The following GET4 variants were observed in gnomAD, a reference collection of about 807,000 sequenced individuals.
The protein encoded by GET4 is guided entry of tail-anchored proteins factor 4.
In GET4, 20 loss-of-function variants were observed where a neutral mutation model predicts 40.0. The ratio of observed to expected loss-of-function variants is 0.50; its 90% CI spans 0.35 to 0.73. The LOEUF (loss-of-function observed/expected upper bound fraction) is 0.73. GET4 is among the 30% of genes least tolerant of loss of function. The probability of loss-of-function intolerance (pLI) is 0.01; values close to 1 mark genes in which losing one functional copy is unlikely to be tolerated. For synonymous variants in GET4, 280 were observed against 194.6 expected, an observed-to-expected ratio of 1.44 and a Z score of -3.65; for missense variants, 557 against 454.0, an observed-to-expected ratio of 1.23 and a Z score of -2.06.
At chr7:878,288 T>A (rs1844009737) in intron 1 of GET4, 1 of 470,980 alleles carries the variant, frequency 2.1e-6, no homozygotes, top group South Asian at 1.5e-5. Flanking sequence ...TTCCAGTATT[T>A]TTGCTGTCAT....
intron 8 of GET4, among the ~76,000 whole-genome samples, chr7:894,462 T>G (rs940787516): frequency 3.7e-4 from 57 of 152,186 alleles, no homozygotes; most frequent in African/African-American, 1.3e-3. Flanking sequence ...GGGTTTATTT[T>G]AGTGGGAGGT....
At chr7:879,486 ATTGT>A (rs1844040589) in intron 1 of GET4, among the ~76,000 whole-genome samples, 1 of 152,214 alleles carries the variant, frequency 6.6e-6, no homozygotes, top group African/African-American at 2.4e-5. Context: ...TAGTGTTCAC[ATTGT>A]TTGTACGGAC....
intron 1 of GET4, chr7:882,504 T>C (rs1265945796): frequency 2.6e-5 from 4 of 151,784 alleles, no homozygotes; most frequent in Admixed American, 6.6e-5. Context: ...CCTTGCCCCA[T>C]GGATGGCGCG....
chr7:896,133 T>C lies in GET4; in HGVS notation c.*711T>C, dbSNP rs1001833284. 2.6e-5 allele frequency: 4 copies of C among 152,254 alleles called. No homozygotes were observed. The highest frequency in any genetic ancestry group is 1.3e-4 in the Admixed American group (2 of 15,286). 9.4% of individuals were successfully genotyped at this position (152,254 alleles called of 1,614,324 possible). A position where few individuals can be genotyped will look rare whatever the true frequency, so the allele number is the denominator to read the frequency against. On this transcript the variant is annotated 3_prime_UTR_variant, in exon 9 of 9. Transcript: ENST00000265857. ...GGGATACCGTGGGACTCTGCCCGTCTCTTTCATAACGCAATATTTATTTGT... is the reference window on the plus strand; with the variant it reads ...GGGATACCGTGGGACTCTGCCCGTCCCTTTCATAACGCAATATTTATTTGT...
At chr7:891,732 G>A (rs1204217727) in intron 5 of GET4, among the ~76,000 whole-genome samples, 1 of 152,272 alleles carries the variant, frequency 6.6e-6, no homozygotes, top group East Asian at 1.9e-4. Context: ...CCTCAGCGTT[G>A]CCCGCTGCGG....
intron 1 of GET4, chr7:878,412 G>A (rs1844013054): frequency 2.1e-6 from 1 of 470,088 alleles, no homozygotes; most frequent in Non-Finnish European, 4.4e-6. Context: ...ACTAGGAATT[G>A]GGTCTGTTTT....
At chr7:884,163 G>A in intron 1 of GET4, 1 of 1,291,686 alleles carries the variant, frequency 7.7e-7, no homozygotes, top group East Asian at 5.6e-5. Context: ...TGTAGTATCG[G>A]CAAAGCAGAA....
At chr7:884,087 C>T (rs953282825) in intron 1 of GET4, 5 of 1,192,782 alleles carry the variant, frequency 4.2e-6, no homozygotes, top group South Asian at 1.6e-5. Context: ...CCAGGGAGTC[C>T]TTTTTTTCTT....
At position 890,918 on chromosome 7, in the gene GET4, T is replaced by C. The variant is rs1442234018; in HGVS notation, c.467-10T>C. 2.5e-6 allele frequency: 4 copies of C among 1,592,034 alleles called. No individual in the cohort carries two copies. The highest frequency in any genetic ancestry group is 2.6e-6 in the Non-Finnish European group (3 of 1,160,352). On this transcript the variant is annotated splice_polypyrimidine_tract_variant and intron_variant, in intron 4 of 8. Transcript: ENST00000265857. ...AAATGTATTTACATTTTTCTGTCTT[T>C]CCTTTGCAGAACAAAACTATTGTGA...
chr7:884,300 C>T (rs893038086), intron 1 of GET4: 11 of 1,303,968 alleles, frequency 8.4e-6, no homozygotes, highest in Non-Finnish European at 1.0e-5. Flanking sequence ...CGGCTCCCGG[C>T]CTCCTCTGAG....
At chr7:885,283 C>T (rs1844164680) in intron 1 of GET4, 1 of 152,276 alleles carries the variant, frequency 6.6e-6, no homozygotes, top group Non-Finnish European at 1.5e-5. Context: ...AGGTGCAGCG[C>T]ATCCAAGCAG....
Position 876,633 on chromosome 7 carries a change from G to T in GET4, c.-13G>T. 8.1e-7 allele frequency: 1 copy of T among 1,232,210 alleles called. No individual in the cohort carries two copies. The highest frequency in any genetic ancestry group is 2.8e-5 in the South Asian group (1 of 35,506). The allele number at this position is 1,232,210 out of a possible 1,614,324, so 76.3% of individuals were successfully genotyped here. ...CCTGCGACAGCGTCAGCCCTGCGCG[G>T]AGCGCCGGCCCGATGGCGGCGGCGG... On this transcript the variant is annotated 5_prime_UTR_variant, in exon 1 of 9. Transcript: ENST00000265857.
intron 1 of GET4, chr7:881,498 AGC>A (rs2128626812): frequency 6.6e-6 from 1 of 152,320 alleles, no homozygotes; most frequent in Non-Finnish European, 1.5e-5. Flanking sequence ...CTCCTCCTGG[AGC>A]GTCCGCAGTT....
Position 889,733 on chromosome 7 carries a change from T to C in GET4, c.467-1195T>C, listed in dbSNP as rs113744795. Reference sequence around the variant, plus strand: ...GAGCGGAGGGAGTGCGAGCGGGTGTTAGGACGGGGTCTGGGAGTGGAGGGA... The same window carrying C: ...GAGCGGAGGGAGTGCGAGCGGGTGTCAGGACGGGGTCTGGGAGTGGAGGGA... On this transcript the variant is annotated intron_variant, in intron 4 of 8. Coordinates refer to ENST00000265857, the MANE Select transcript of GET4 (RefSeq NM_015949.3). Among the ~76,000 whole-genome samples the C allele has an allele frequency of 1.3e-3, 147 of 110,306 alleles. 1 individual carries two copies. Among genetic ancestry groups the C allele is most frequent in the African/African-American group, 3.1e-3 (83 of 26,874 alleles). The allele number at this position is 110,306 out of a possible 152,430, so 72.4% of individuals were successfully genotyped here.
intron 8 of GET4, 89 bp downstream of exon 8, chr7:894,060 T>G: frequency 2.8e-6 from 2 of 727,090 alleles, no homozygotes; most frequent in Non-Finnish European, 4.4e-6. Context: ...GTGCGGTCCT[T>G]CACGTGGAAG....
At chr7:887,579 G>A in intron 4 of GET4, 60 bp downstream of exon 4, 2 of 1,323,540 alleles carry the variant, frequency 1.5e-6, no homozygotes, top group East Asian at 5.0e-5. Flanking sequence ...GATTTGCACT[G>A]TGCGTTCCAA....
At chr7:888,857 G>T (rs986813998) in intron 4 of GET4, among the ~76,000 whole-genome samples, 1 of 152,256 alleles carries the variant, frequency 6.6e-6, no homozygotes, top group Non-Finnish European at 1.5e-5. Context: ...GCCAGGTTAG[G>T]GAGGCAGGAG....
At position 891,036 on chromosome 7, in the gene GET4, T is replaced by G. The variant is rs780137609; in HGVS notation, c.575T>G (p.Val192Gly). 4 of 1,608,954 alleles carry G rather than the reference T, an allele frequency of 2.5e-6. No individual in the cohort carries two copies. Among genetic ancestry groups the G allele is most frequent in the Non-Finnish European group, 3.4e-6 (4 of 1,176,294 alleles). Reference protein sequence around the residue: ...YSTSRGFRSEVDMFVAQAVLQ... With the variant: ...YSTSRGFRSEGDMFVAQAVLQ... ...ACGTCCCGCGGCTTCCGCAGCGAGGTGGACATGTTCGTGGCCCAGGCCGTG... is the reference window on the plus strand; with the variant it reads ...ACGTCCCGCGGCTTCCGCAGCGAGGGGGACATGTTCGTGGCCCAGGCCGTG... The change falls in exon 5 of 9, where the codon GTG (valine) becomes GGG (glycine). Residue 192 changes from valine to glycine, a missense_variant. Coordinates refer to ENST00000265857, the MANE Select transcript of GET4 (RefSeq NM_015949.3).
chr7:895,703 C>T lies in GET4; in HGVS notation c.*281C>T, dbSNP rs1280073027. ...GCCTTACCGCGGCGTCACCCTCTCC[C>T]ACTCCTTTGTTCTGGGTCCTTTCGG... On this transcript the variant is annotated 3_prime_UTR_variant, in exon 9 of 9. Transcript: ENST00000265857. 7.8e-6 allele frequency: 2 copies of T among 256,604 alleles called. No homozygotes were observed. Among genetic ancestry groups the T allele is most frequent in the Non-Finnish European group, 1.5e-5 (2 of 133,634 alleles). 15.9% of individuals were successfully genotyped at this position (256,604 alleles called of 1,614,324 possible).
Sources: gnomAD v4.1 joint callset for allele counts (sites outside exome capture counted in the v4.1 genomes callset) on GRCh38, gnomAD v4.1.1 for gene constraint, MANE v1.5 for transcripts, NCBI Gene and HGNC (gene_info 2026-07-23, HGNC 2026-07-21) for gene names.